The following GPR137B variants were observed in gnomAD, a reference collection of about 807,000 sequenced individuals.
GPR137B encodes integral membrane protein GPR137B.
A neutral mutation model predicts 42.5 loss-of-function variants in GPR137B; 42 were observed. The observed-to-expected ratio is 0.99, with a 90% CI of 0.77 to 1.28. The LOEUF is 1.28. Ranked by LOEUF, GPR137B falls within the 50% of genes most tolerant of loss-of-function variation. GPR137B has a pLI of 0.00. For synonymous variants in GPR137B, 218 were observed against 209.7 expected, an observed-to-expected ratio of 1.04 and a Z score of -0.34; for missense variants, 487 against 493.9, an observed-to-expected ratio of 0.99 and a Z score of 0.13.
intron 1 of GPR137B, among the ~76,000 whole-genome samples, chr1:236,160,336 T>G (rs376798431): frequency 9.9e-5 from 15 of 152,186 alleles, no homozygotes; most frequent in African/African-American, 3.6e-4. Context: ...ATTCAGTTCC[T>G]GATCGGGTTC....
At chr1:236,147,907 C>T (rs1661728447) in intron 1 of GPR137B, among the ~76,000 whole-genome samples, 1 of 152,214 alleles carries the variant, frequency 6.6e-6, no homozygotes, top group African/African-American at 2.4e-5. Context: ...AGGACTGGTT[C>T]TGCTAACTCT....
intron 1 of GPR137B, among the ~76,000 whole-genome samples, chr1:236,167,113 C>T (rs972470689): frequency 4.6e-5 from 7 of 152,114 alleles, no homozygotes; most frequent in Admixed American, 1.3e-4. Flanking sequence ...TTTCCCCGCC[C>T]CGGCTTCATT....
At chr1:236,191,633 T>A (rs1173013273) in intron 5 of GPR137B, among the ~76,000 whole-genome samples, 2 of 152,232 alleles carry the variant, frequency 1.3e-5, no homozygotes, top group South Asian at 2.1e-4. Flanking sequence ...AGACCCTGTT[T>A]GCCTGGGTAT....
At chr1:236,166,504 TTATA>T (rs956656899) in intron 1 of GPR137B, among the ~76,000 whole-genome samples, 2 of 142,650 alleles carry the variant, frequency 1.4e-5, no homozygotes, top group Non-Finnish European at 1.5e-5. Context: ...ATATATATAT[TTATA>T]TATATACATT....
chr1:236,158,610 C>T (rs1021872600), intron 1 of GPR137B, among the ~76,000 whole-genome samples: 3 of 152,174 alleles, frequency 2.0e-5, no homozygotes, highest in Non-Finnish European at 4.4e-5. Context: ...TTTGAACCAG[C>T]GTGTGTGATA....
chr1:236,157,517 C>T (rs112706649), intron 1 of GPR137B, among the ~76,000 whole-genome samples: 3,640 of 152,242 alleles, frequency 0.024, 146 homozygotes, highest in East Asian at 0.18. Flanking sequence ...CCACTGTGCC[C>T]GGCCCGATTC....
At position 236,143,006 on chromosome 1, in the gene GPR137B, C is replaced by T. The variant is rs756448275; in HGVS notation, c.384C>T (p.Thr128=). The T allele has an allele frequency of 3.1e-6, 5 of 1,613,598 alleles. No homozygotes were observed. The highest frequency in any genetic ancestry group is 1.1e-5 in the South Asian group (1 of 91,040). The change falls in exon 1 of 7, where the codon ACC becomes ACT. Residue 128 remains threonine (T), a synonymous_variant. Coordinates refer to ENST00000366592, the MANE Select transcript of GPR137B (RefSeq NM_003272.4). ...TCCCTGTGTGCCTGCAGTTTTTCAC[C>T]CTCACGCTGATGAACTTGTACTTCA... ...YCFPVCLQFF[T]LTLMNLYFTQ...
chr1:236,154,114 C>T (rs1454343801), intron 1 of GPR137B, among the ~76,000 whole-genome samples: 1 of 152,178 alleles, frequency 6.6e-6, no homozygotes, highest in African/African-American at 2.4e-5. Context: ...GATTCTGGGG[C>T]AACCAAGTTG....
At chr1:236,203,202 C>A (rs186312381) in intron 5 of GPR137B, among the ~76,000 whole-genome samples, 2 of 152,092 alleles carry the variant, frequency 1.3e-5, no homozygotes, top group Non-Finnish European at 2.9e-5. Context: ...CTCAGCCTCC[C>A]GAGTAGCTGG....
chr1:236,175,582 T>C (rs1288788077), intron 2 of GPR137B, among the ~76,000 whole-genome samples: 2 of 152,172 alleles, frequency 1.3e-5, no homozygotes, highest in African/African-American at 4.8e-5. Context: ...TTTGAGAATC[T>C]GGAATACAGA....
rs1192328419 is a variant in GPR137B, at chr1:236,208,151, T to G, written c.1193T>G (p.Leu398Arg). 6.2e-7 allele frequency: 1 copy of G among 1,613,740 alleles called. No homozygotes were observed. Among genetic ancestry groups the G allele is most frequent in the Admixed American group, 1.7e-5 (1 of 60,014 alleles). ...DSTLDPDKPSLG is the reference protein window; with the variant it reads ...DSTLDPDKPSRG ...ACTTTGGATCCTGACAAACCAAGCC[T>G]TGGGTAGCATCAGTTAACAGTTTTA... The change falls in exon 7 of 7, where the codon CTT (leucine) becomes CGT (arginine). Residue 398 changes from leucine to arginine, a missense_variant. Leu to Arg is a moderately radical substitution (Grantham distance 102). Coordinates refer to ENST00000366592, the MANE Select transcript of GPR137B (RefSeq NM_003272.4).
At chr1:236,169,767 C>T (rs115287599) in intron 2 of GPR137B, among the ~76,000 whole-genome samples, 28 of 152,146 alleles carry the variant, frequency 1.8e-4, no homozygotes, top group African/African-American at 5.5e-4. Context: ...TGGCTGGGCA[C>T]GGTGGCTCAC....
At chr1:236,202,114 C>T (rs938797795) in intron 5 of GPR137B, among the ~76,000 whole-genome samples, 2 of 152,046 alleles carry the variant, frequency 1.3e-5, no homozygotes, top group African/African-American at 4.8e-5. Flanking sequence ...TCAGATCTCC[C>T]AGCTATAGAT....
chr1:236,197,307 CTG>C (rs1175897058), intron 5 of GPR137B, among the ~76,000 whole-genome samples: 1 of 152,056 alleles, frequency 6.6e-6, no homozygotes, highest in Non-Finnish European at 1.5e-5. Context: ...GATGCATAGT[CTG>C]TGAATATTTT....
rs573500950 is a variant in GPR137B, at chr1:236,156,618, C to A, written c.415-12088C>A. Among the ~76,000 whole-genome samples the A allele has an allele frequency of 6.6e-6, 1 of 152,206 alleles. No individual in the cohort carries two copies. The highest frequency in any genetic ancestry group is 2.4e-5 in the African/African-American group (1 of 41,458). ...GCAGATCCCCTCCCCGCCGCAGAGC[C>A]GCCTTGTGTGTCTTCCGGGAACCCT... On this transcript the variant is annotated intron_variant, in intron 1 of 6. Transcript: ENST00000366592. This position sits in a 1 kb window ranked among gnomAD's most constrained non-coding sequence, Gnocchi z 4.8.
At chr1:236,152,693 G>T (rs1373810110) in intron 1 of GPR137B, among the ~76,000 whole-genome samples, 2 of 152,044 alleles carry the variant, frequency 1.3e-5, no homozygotes, top group African/African-American at 4.8e-5. Flanking sequence ...GGCAGAGGTT[G>T]CAGTGAGCCA....
At chr1:236,175,613 G>A (rs142350732) in intron 2 of GPR137B, among the ~76,000 whole-genome samples, 8 of 152,230 alleles carry the variant, frequency 5.3e-5, no homozygotes, top group Non-Finnish European at 1.0e-4. Flanking sequence ...CTCCCAAGCG[G>A]CCCTGCCTTT....
intron 1 of GPR137B, among the ~76,000 whole-genome samples, chr1:236,145,788 C>T (rs977908841): frequency 6.6e-6 from 1 of 152,224 alleles, no homozygotes; most frequent in African/African-American, 2.4e-5. Flanking sequence ...TGCTCAAGGT[C>T]ACACTGTCAG....
At chr1:236,173,884 T>C (rs1219769848) in intron 2 of GPR137B, among the ~76,000 whole-genome samples, 2 of 152,120 alleles carry the variant, frequency 1.3e-5, no homozygotes, top group Non-Finnish European at 2.9e-5. Flanking sequence ...AAAAACTTGT[T>C]TTGCAAGATG....
Sources: allele counts gnomAD v4.1 joint callset (sites outside exome capture counted in the v4.1 genomes callset), GRCh38; gene constraint gnomAD v4.1.1; non-coding constraint Gnocchi (gnomAD v3.1); transcripts MANE v1.5; gene names NCBI Gene and HGNC (gene_info 2026-07-23, HGNC 2026-07-21).